NFASC: variants seen among roughly 807,000 people sequenced by gnomAD.
NFASC encodes the protein neurofascin.
NFASC carries 43 observed loss-of-function variants against 147.5 expected under a neutral mutation model. The ratio of observed to expected loss-of-function variants is 0.29; its 90% CI spans 0.23 to 0.38. NFASC has a LOEUF of 0.38. Among genes scored for constraint, NFASC ranks in the 10% least tolerant of loss-of-function variants. The probability of loss-of-function intolerance (pLI) is 1.00; values close to 1 mark genes in which losing one functional copy is unlikely to be tolerated. For synonymous variants in NFASC, 622 were observed against 665.5 expected, an observed-to-expected ratio of 0.93 and a Z score of 1.01; for missense variants, 1,320 against 1,689.0, an observed-to-expected ratio of 0.78 and a Z score of 3.83.
Position 204,952,025 on chromosome 1 carries a change from A to G in NFASC, c.124A>G (p.Thr42Ala), listed in dbSNP as rs767951571. The change falls in exon 5 of 30, where the codon ACC becomes GCC. Residue 42 changes from threonine (T) to alanine (A), a missense_variant. Thr to Ala is a moderately conservative substitution (Grantham distance 58). Transcript: ENST00000339876. The part of the protein sequence containing the change: ...SIQNELTQPP[T>A]ITKQSAKDHI... ...CACTGTTGCAGTGACGCAGCCGCCA[A>G]CCATCACCAAGCAGTCAGCGAAGGA... The G allele has an allele frequency of 2.5e-6, 4 of 1,613,978 alleles. No homozygotes were observed. The highest frequency in any genetic ancestry group is 1.3e-5 in the African/African-American group (1 of 74,910).
intron 1 of NFASC, among the ~76,000 whole-genome samples, chr1:204,836,833 AC>A (rs1673931703): frequency 6.6e-6 from 1 of 152,238 alleles, no homozygotes; most frequent in African/African-American, 2.4e-5. Flanking sequence ...TGGGAGCTAA[AC>A]CAGGATTCTG....
rs574769863 is a variant in NFASC, at chr1:204,875,499, C to T, written c.-199-45133C>T. Among the ~76,000 whole-genome samples, 12 of 152,272 alleles carry T rather than the reference C, an allele frequency of 7.9e-5. 1 individual carries two copies. In the South Asian group the frequency reaches 1.5e-3, roughly 18 times the overall value. ...GGAATCTGGAGGTGCCTGAGTCATA[C>T]GGGATTAGAAAGTTAAGGTGCTTCT... On this transcript the variant is annotated intron_variant, in intron 1 of 29. Coordinates refer to ENST00000339876, the MANE Select transcript of NFASC (RefSeq NM_001005388.3).
Position 204,855,457 on chromosome 1 carries a change from A to G in NFASC, c.-200+26675A>G, listed in dbSNP as rs2076071366. ...ATACATGGTGAAAAAACGAAAAAAGACTTTAGAAATTAGGACCTAGGAAAG... is the reference window on the plus strand; with the variant it reads ...ATACATGGTGAAAAAACGAAAAAAGGCTTTAGAAATTAGGACCTAGGAAAG... On this transcript the variant is annotated intron_variant, in intron 1 of 29. Coordinates refer to ENST00000339876, the MANE Select transcript of NFASC (RefSeq NM_001005388.3). Among the ~76,000 whole-genome samples the G allele has an allele frequency of 3.9e-5, 6 of 152,194 alleles. No individual in the cohort carries two copies. In the South Asian group the frequency reaches 1.2e-3, roughly 32 times the overall value.
intron 1 of NFASC, among the ~76,000 whole-genome samples, chr1:204,906,079 A>G (rs908970999): frequency 5.9e-5 from 9 of 152,144 alleles, no homozygotes; most frequent in Non-Finnish European, 1.2e-4. Context: ...CCTCTTATTA[A>G]TCTGTGAATC....
chr1:204,937,538 G>C (rs189209811), intron 2 of NFASC, among the ~76,000 whole-genome samples: 406 of 152,200 alleles, frequency 2.7e-3, no homozygotes, highest in African/African-American at 9.4e-3. Flanking sequence ...AATGTCATGC[G>C]GTTGTAACCA....
Position 204,986,524 on chromosome 1 carries a change from C to A in NFASC, c.2471-894C>A, listed in dbSNP as rs551465674. ...TTCTCCCCCCACGTTCTCAAGAAGC[C>A]GTCACTGAAATAGTCGGCCTGTGTG... On this transcript the variant is annotated intron_variant, in intron 21 of 29. Coordinates refer to ENST00000339876, the MANE Select transcript of NFASC (RefSeq NM_001005388.3). This position sits in a 1 kb window ranked among gnomAD's most constrained non-coding sequence, Gnocchi z 4.2. Among the ~76,000 whole-genome samples the A allele has an allele frequency of 6.6e-6, 1 of 152,226 alleles. No individual in the cohort carries two copies. The highest frequency in any genetic ancestry group is 2.4e-5 in the African/African-American group (1 of 41,450).
rs747420515 is a variant in NFASC at position 204,988,722 on chromosome 1, C to A, written c.2683C>A (p.Arg895Ser). The change falls in exon 23 of 30, where the codon CGC (arginine) becomes AGC (serine). Residue 895 changes from arginine to serine, a missense_variant. Physicochemically the swap from Arg to Ser is moderately radical, Grantham distance 110. Around this residue, in one of 3 missense-constraint regions of NFASC, gnomAD observed 981 missense variants for 1,289.5 expected, o/e 0.76. Coordinates refer to ENST00000339876, the MANE Select transcript of NFASC (RefSeq NM_001005388.3). ...FTVQRTDPVS[R>S]YRFTLSARTQ... ...GGTGCAAAGAACGGACCCCGTGTCA[C>A]GCTACCGCTTTACCCTCAGCGCCAG... The A allele has an allele frequency of 6.2e-7, 1 of 1,614,228 alleles. No homozygotes were observed. The highest frequency in any genetic ancestry group is 1.3e-5 in the African/African-American group (1 of 75,070).
At chr1:205,003,362 G>C (rs2096036323) in intron 27 of NFASC, among the ~76,000 whole-genome samples, 1 of 152,216 alleles carries the variant, frequency 6.6e-6, no homozygotes, top group South Asian at 2.1e-4. Context: ...GAACCGGAAA[G>C]GTTCTGGCTC....
At position 204,974,273 on chromosome 1, in the gene NFASC, C is replaced by G; in HGVS notation, c.1374C>G (p.Pro458=). The G allele has an allele frequency of 6.2e-7, 1 of 1,613,642 alleles. No individual in the cohort carries two copies. The highest frequency in any genetic ancestry group is 8.5e-7 in the Non-Finnish European group (1 of 1,179,604). The stretch of plus-strand genomic sequence containing the variant: ...TGGACTGCCCTTTCTTTGGGTCTCC[C>G]ATCCCCACACTGCGATGGTAAGTTC... ...TRLDCPFFGS[P]IPTLRWFKNG... The change falls in exon 13 of 30, where the codon CCC becomes CCG. Residue 458 remains proline (P), a synonymous_variant. Transcript: ENST00000339876.
chr1:204,922,584 G>A (rs563881340), intron 2 of NFASC, among the ~76,000 whole-genome samples: 23 of 152,274 alleles, frequency 1.5e-4, no homozygotes, highest in African/African-American at 4.6e-4. Context: ...GGCTCTCTGA[G>A]AAGTTATTTC....
At chr1:205,009,446 G>C (rs529288910) in intron 27 of NFASC, 111 bp from the exon 28 acceptor site, 12 of 1,189,314 alleles carry the variant, frequency 1.0e-5, no homozygotes, top group East Asian at 7.0e-5. Flanking sequence ...GTAGTGTTAG[G>C]CTCCAGGAGA....
chr1:204,984,197 G>A, intron 21 of NFASC: 1 of 1,207,472 alleles, frequency 8.3e-7, no homozygotes, highest in Non-Finnish European at 1.2e-6. Context: ...ACCAGGGCCA[G>A]GGGTAGCAAA....
At chr1:204,879,715 G>A (rs2079758943) in intron 1 of NFASC, among the ~76,000 whole-genome samples, 2 of 152,222 alleles carry the variant, frequency 1.3e-5, no homozygotes, top group Non-Finnish European at 2.9e-5. Context: ...GTGAAGACTG[G>A]AACTTGAGAA....
At chr1:204,849,985 A>G (rs1368584064) in intron 1 of NFASC, among the ~76,000 whole-genome samples, 1 of 152,200 alleles carries the variant, frequency 6.6e-6, no homozygotes, top group Non-Finnish European at 1.5e-5. Context: ...ACGTAGGAAC[A>G]TCTCTTTCTG....
chr1:204,969,433 C>T (rs1250469918), intron 10 of NFASC, among the ~76,000 whole-genome samples: 2 of 152,186 alleles, frequency 1.3e-5, no homozygotes, highest in Non-Finnish European at 2.9e-5. Context: ...TCCTTCCCCC[C>T]AAAGCAAAGA....
At chr1:204,840,640 TG>T (rs1282604457) in intron 1 of NFASC, among the ~76,000 whole-genome samples, 2 of 152,218 alleles carry the variant, frequency 1.3e-5, no homozygotes, top group East Asian at 3.8e-4. Flanking sequence ...CAACTACCAC[TG>T]CCCTGGCCAC....
At chr1:204,940,572 A>G (rs1405902120) in intron 2 of NFASC, among the ~76,000 whole-genome samples, 1 of 150,320 alleles carries the variant, frequency 6.7e-6, no homozygotes. Context: ...CCTCATACCC[A>G]TTAACCAGTT....
chr1:204,880,353 T>C (rs546364303), intron 1 of NFASC, among the ~76,000 whole-genome samples: 6 of 152,194 alleles, frequency 3.9e-5, no homozygotes, highest in Admixed American at 1.3e-4. Flanking sequence ...GTTTAATTTC[T>C]TTTTTATTTA....
rs115337864 is a variant in NFASC at position 204,933,935 on chromosome 1, C to T, written c.-90-10291C>T. Among the ~76,000 whole-genome samples, 140 of 151,984 alleles carry T rather than the reference C, an allele frequency of 9.2e-4. 2 individuals carry two copies. The highest frequency in any genetic ancestry group is 9.0e-4 in the Non-Finnish European group (61 of 67,940). ...GGTGGATCATCTATGGTCAGGAGTT[C>T]GAGGCCAGCCTGGCCAACATGGTGA... On this transcript the variant is annotated intron_variant, in intron 2 of 29. Transcript: ENST00000339876.
Sources: gnomAD v4.1 joint callset for allele counts (sites outside exome capture counted in the v4.1 genomes callset) on GRCh38, gnomAD v4.1.1 for gene constraint, gnomAD v4.1.1 regional missense constraint, Gnocchi (gnomAD v3.1) non-coding constraint, MANE v1.5 for transcripts, NCBI Gene and HGNC (gene_info 2026-07-23, HGNC 2026-07-21) for gene names.